RALYL: variants seen among roughly 807,000 people sequenced by gnomAD.
The protein encoded by RALYL is RALY RNA binding protein like.
RALYL carries 29 observed loss-of-function variants against 35.1 expected under a neutral mutation model. The ratio of observed to expected loss-of-function variants is 0.83; its 90% confidence interval spans 0.61 to 1.13. RALYL has a LOEUF of 1.13. Among genes scored for constraint, RALYL ranks in the 50% most tolerant of loss-of-function variants. RALYL has a pLI of 0.00. For synonymous variants in RALYL, 120 were observed against 127.6 expected (o/e 0.94, Z 0.40); for missense variants, 359 against 360.4 (o/e 1.00, Z 0.03).
At chr8:84,674,995 G>T (rs932379463) in intron 2 of RALYL, among the ~76,000 whole-genome samples, 1 of 151,134 alleles carries the variant, frequency 6.6e-6, no homozygotes, top group Admixed American at 6.6e-5. Context: ...AAAAAAGGAA[G>T]ACTTAAAATT....
At position 84,754,962 on chromosome 8, in the gene RALYL, C is replaced by A. The variant is rs79501666; in HGVS notation, c.257-19617C>A. 8.5e-3 allele frequency among the ~76,000 whole-genome samples: 1,296 copies of A among 152,224 alleles called. 16 individuals are homozygous for A. The highest frequency in any genetic ancestry group is 0.027 in the Middle Eastern group (8 of 294). On this transcript the variant is annotated intron_variant, in intron 2 of 8. Coordinates refer to ENST00000521268, the MANE Select transcript of RALYL (RefSeq NM_173848.7). Reference sequence around the variant, plus strand: ...TTGGTAGATGTGCTTGGGTAACTTGCCCAAGTTTGCAGTCTTACAAGAAGT... The same window carrying A: ...TTGGTAGATGTGCTTGGGTAACTTGACCAAGTTTGCAGTCTTACAAGAAGT...
chr8:84,275,361 C>T (rs562067284), intron 1 of RALYL, among the ~76,000 whole-genome samples: 70 of 151,938 alleles, frequency 4.6e-4, no homozygotes, highest in Non-Finnish European at 9.1e-4. Context: ...ATATTAAATT[C>T]GGAATTCATA....
chr8:84,649,684 C>A (rs1172364710), intron 2 of RALYL, among the ~76,000 whole-genome samples: 1 of 152,062 alleles, frequency 6.6e-6, no homozygotes, highest in East Asian at 1.9e-4. Flanking sequence ...GTTCCTGTAG[C>A]CTTGTAGTAT....
intron 1 of RALYL, among the ~76,000 whole-genome samples, chr8:84,227,042 A>T (rs1464241125): frequency 1.3e-5 from 2 of 149,484 alleles, no homozygotes; most frequent in African/African-American, 2.5e-5. Flanking sequence ...AGGCTTCCAG[A>T]AAAAATTGTA....
chr8:84,348,946 A>G (rs1335414388), intron 1 of RALYL, among the ~76,000 whole-genome samples: 1 of 150,080 alleles, frequency 6.7e-6, no homozygotes, highest in Non-Finnish European at 1.5e-5. Context: ...GTTGCCCTCA[A>G]TTGTAGGCTA....
chr8:84,243,434 A>G (rs2131590467), intron 1 of RALYL, among the ~76,000 whole-genome samples: 1 of 150,126 alleles, frequency 6.7e-6, no homozygotes, highest in South Asian at 2.1e-4. Flanking sequence ...TGGCCATTTT[A>G]GCAATATTGA....
chr8:84,693,873 A>T (rs1399120993), intron 2 of RALYL, among the ~76,000 whole-genome samples: 1 of 151,886 alleles, frequency 6.6e-6, no homozygotes, highest in South Asian at 2.1e-4. Flanking sequence ...CCATATGATC[A>T]CCTCAAAGAT....
intron 2 of RALYL, among the ~76,000 whole-genome samples, chr8:84,735,028 TG>T (rs1264499239): frequency 1.7e-4 from 26 of 151,824 alleles, no homozygotes; most frequent in African/African-American, 5.3e-4. Context: ...TGTGTGTGTG[TG>T]TGTGTGTGTA....
intron 2 of RALYL, among the ~76,000 whole-genome samples, chr8:84,729,995 A>G (rs558197286): frequency 2.0e-5 from 3 of 152,260 alleles, no homozygotes; most frequent in Admixed American, 2.0e-4. Context: ...AACTATTCCA[A>G]TCAATAGAAA....
At chr8:84,443,793 C>T (rs534213372) in intron 1 of RALYL, among the ~76,000 whole-genome samples, 49 of 152,162 alleles carry the variant, frequency 3.2e-4, no homozygotes, top group African/African-American at 1.0e-3. Flanking sequence ...CCACTTCTGA[C>T]GTAGGCATGG....
At position 84,895,669 on chromosome 8, in the gene RALYL, C is replaced by T. The variant is rs189510005; in HGVS notation, c.858+7893C>T. ...CTGGGATTACAGGCACCCACCACCACGCCTGGCTAATTTTTGTATTTTAGT... is the reference window on the plus strand; with the variant it reads ...CTGGGATTACAGGCACCCACCACCATGCCTGGCTAATTTTTGTATTTTAGT... On this transcript the variant is annotated intron_variant, in intron 8 of 8. Coordinates refer to ENST00000521268, the MANE Select transcript of RALYL (RefSeq NM_173848.7). 4.5e-4 allele frequency among the ~76,000 whole-genome samples: 68 copies of T among 152,130 alleles called. No individual in the cohort carries two copies. In the East Asian group the frequency reaches 0.011, roughly 25 times the overall value.
At chr8:84,468,208 C>T (rs1484500959) in intron 1 of RALYL, among the ~76,000 whole-genome samples, 3 of 151,564 alleles carry the variant, frequency 2.0e-5, no homozygotes, top group East Asian at 1.9e-4. Context: ...GGTGATTTTG[C>T]TCGTTAGTTG....
chr8:84,459,487 G>T (rs1459383227), intron 1 of RALYL, among the ~76,000 whole-genome samples: 2 of 151,728 alleles, frequency 1.3e-5, no homozygotes, highest in Non-Finnish European at 1.5e-5. Context: ...TAAAGGTGTT[G>T]TAGGTCATGT....
intron 1 of RALYL, among the ~76,000 whole-genome samples, chr8:84,450,807 G>A (rs2049383755): frequency 6.6e-6 from 1 of 151,856 alleles, no homozygotes; most frequent in South Asian, 2.1e-4. Context: ...GCAAAGGGGT[G>A]AAATTTTCAA....
intron 2 of RALYL, among the ~76,000 whole-genome samples, chr8:84,737,912 A>G (rs899586570): frequency 6.6e-6 from 1 of 152,054 alleles, no homozygotes; most frequent in African/African-American, 2.4e-5. Context: ...ACTTGCCTCC[A>G]GAACTGTAAG....
chr8:84,742,839 C>T (rs1417510434), intron 2 of RALYL, among the ~76,000 whole-genome samples: 1 of 152,012 alleles, frequency 6.6e-6, no homozygotes, highest in Non-Finnish European at 1.5e-5. Flanking sequence ...GACTTGTGCA[C>T]ATACGGTTTA....
chr8:84,762,140 A>G (rs1376925035), intron 2 of RALYL, among the ~76,000 whole-genome samples: 2 of 152,098 alleles, frequency 1.3e-5, no homozygotes, highest in African/African-American at 2.4e-5. Flanking sequence ...ATGAGACATG[A>G]AGGGCAAGAG....
intron 2 of RALYL, among the ~76,000 whole-genome samples, chr8:84,585,065 G>A (rs1018854563): frequency 3.9e-5 from 6 of 152,202 alleles, no homozygotes; most frequent in Non-Finnish European, 5.9e-5. Context: ...CACTTGACGT[G>A]AGACTTTTAG....
At chr8:84,734,362 C>T (rs1378919517) in intron 2 of RALYL, among the ~76,000 whole-genome samples, 1 of 151,996 alleles carries the variant, frequency 6.6e-6, no homozygotes, top group Non-Finnish European at 1.5e-5. Context: ...TGTTTATTAG[C>T]CATAAGAGAA....
Sources: allele counts gnomAD v4.1 joint callset (sites outside exome capture counted in the v4.1 genomes callset), GRCh38; gene constraint gnomAD v4.1.1; transcripts MANE v1.5; gene names NCBI Gene and HGNC (gene_info 2026-07-23, HGNC 2026-07-21).